Variants in PRKN observed in about 807,000 individuals in gnomAD.
The protein encoded by PRKN is parkin RBR E3 ubiquitin protein ligase.
In PRKN, 56 loss-of-function variants were observed where a neutral mutation model predicts 59.5. That is an observed-to-expected ratio of 0.94 (90% CI 0.76 to 1.18). The LOEUF (loss-of-function observed/expected upper bound fraction) is 1.18. Among genes scored for constraint, PRKN ranks in the 50% most tolerant of loss-of-function variants. PRKN has a pLI of 0.00. For synonymous variants in PRKN, 250 were observed against 222.1 expected (o/e 1.13, Z -1.12); for missense variants, 657 against 596.4 (o/e 1.10, Z -1.06).
intron 3 of PRKN, among the ~76,000 whole-genome samples, chr6:162,217,473 C>T (rs940127994): frequency 2.0e-5 from 3 of 152,142 alleles, no homozygotes; most frequent in Non-Finnish European, 4.4e-5. Flanking sequence ...CCCCACCTCC[C>T]GGATTCAAGC....
chr6:161,997,920 C>G (rs910152864), intron 5 of PRKN, among the ~76,000 whole-genome samples: 1 of 152,050 alleles, frequency 6.6e-6, no homozygotes, highest in African/African-American at 2.4e-5. Flanking sequence ...GTTGGCTGGA[C>G]CTGTGTCCTA....
intron 1 of PRKN, among the ~76,000 whole-genome samples, chr6:162,476,730 GATA>G (rs905860941): frequency 5.9e-5 from 9 of 152,218 alleles, no homozygotes; most frequent in East Asian, 1.9e-4. Flanking sequence ...GAGTAACACT[GATA>G]ATAATAATTA....
chr6:161,650,133 T>C (rs925407467), intron 7 of PRKN, among the ~76,000 whole-genome samples: 1 of 152,156 alleles, frequency 6.6e-6, no homozygotes, highest in Non-Finnish European at 1.5e-5. Flanking sequence ...CCCAGTAATT[T>C]TGCAACAAAG....
chr6:161,672,560 G>A (rs1452631082), intron 7 of PRKN, among the ~76,000 whole-genome samples: 1 of 152,170 alleles, frequency 6.6e-6, no homozygotes, highest in Non-Finnish European at 1.5e-5. Flanking sequence ...TGGATCACCT[G>A]AGGTCAGGAG....
At chr6:162,368,174 GA>G (rs1785554052) in intron 2 of PRKN, among the ~76,000 whole-genome samples, 1 of 152,182 alleles carries the variant, frequency 6.6e-6, no homozygotes, top group Admixed American at 6.5e-5. Flanking sequence ...CGTGGCTGGG[GA>G]AGGGTTGGGA....
At chr6:162,092,466 T>C (rs1779538291) in intron 4 of PRKN, among the ~76,000 whole-genome samples, 1 of 152,250 alleles carries the variant, frequency 6.6e-6, no homozygotes, top group African/African-American at 2.4e-5. Flanking sequence ...AATTTTGTTT[T>C]AAATCATTCA....
intron 2 of PRKN, among the ~76,000 whole-genome samples, chr6:162,280,873 G>C (rs1326030961): frequency 6.7e-6 from 1 of 149,008 alleles, no homozygotes; most frequent in Non-Finnish European, 1.5e-5. Context: ...AGGAGACAGA[G>C]ACATGAAAAA....
intron 4 of PRKN, among the ~76,000 whole-genome samples, chr6:162,164,212 C>T (rs1782881889): frequency 6.7e-6 from 1 of 148,852 alleles, no homozygotes; most frequent in South Asian, 2.1e-4. Flanking sequence ...TTTGAGTGGT[C>T]AACCTGTGTA....
In PRKN at chr6:161,581,108, A is replaced by G. The variant is rs2128137986; in HGVS notation, c.872-11692T>C. Among the ~76,000 whole-genome samples the G allele has an allele frequency of 6.6e-6, 1 of 151,098 alleles. No individual in the cohort carries two copies. Among genetic ancestry groups the G allele is most frequent in the Non-Finnish European group, 1.5e-5 (1 of 67,872 alleles). ...CCAGGCGTGGTGGCATGCCCTTGTA[A>G]TCCCAGCTACTGGGGAGGTTTGAAC... On this transcript the variant is annotated intron_variant, in intron 7 of 11. Transcript: ENST00000366898. The surrounding 1 kb of genome is among the most constrained non-coding windows in gnomAD (Gnocchi z 4.5).
chr6:161,911,851 A>C (rs1289141215), intron 6 of PRKN, among the ~76,000 whole-genome samples: 2 of 152,130 alleles, frequency 1.3e-5, no homozygotes, highest in Non-Finnish European at 1.5e-5. Context: ...ATAAAAATTC[A>C]AGTGCGAAAA....
intron 2 of PRKN, among the ~76,000 whole-genome samples, chr6:162,354,041 C>G (rs1220159208): frequency 6.6e-6 from 1 of 152,122 alleles, no homozygotes; most frequent in Non-Finnish European, 1.5e-5. Context: ...TATAACCAAA[C>G]TAGTTTCCTT....
At chr6:162,049,085 G>A (rs528175854) in intron 5 of PRKN, among the ~76,000 whole-genome samples, 1 of 152,228 alleles carries the variant, frequency 6.6e-6, no homozygotes, top group African/African-American at 2.4e-5. Context: ...GTCTAAAGGA[G>A]AGTTAGGGTC....
chr6:161,920,019 C>G (rs1041664896), intron 6 of PRKN, among the ~76,000 whole-genome samples: 10 of 152,216 alleles, frequency 6.6e-5, no homozygotes, highest in Non-Finnish European at 1.3e-4. Flanking sequence ...CAAACCTAGA[C>G]TGGATGGTAG....
chr6:162,720,985 C>T (rs1176598820), intron 1 of PRKN, among the ~76,000 whole-genome samples: 1 of 152,164 alleles, frequency 6.6e-6, no homozygotes, highest in Non-Finnish European at 1.5e-5. Context: ...AATAAAACAC[C>T]TGTCAATAAG....
intron 6 of PRKN, among the ~76,000 whole-genome samples, chr6:161,932,158 A>G (rs1779190469): frequency 1.3e-5 from 2 of 152,104 alleles, no homozygotes; most frequent in African/African-American, 4.8e-5. Context: ...CTCAGTTAAC[A>G]TAATTAAGAT....
chr6:161,370,512 A>T (rs546765914), intron 10 of PRKN, among the ~76,000 whole-genome samples: 1 of 149,600 alleles, frequency 6.7e-6, no homozygotes, highest in Non-Finnish European at 1.5e-5. Flanking sequence ...GAATGACGTG[A>T]ACCTGGGAGG....
rs987878483 is a variant in PRKN at position 161,584,704 on chromosome 6, G to A, written c.872-15288C>T. The stretch of plus-strand genomic sequence containing the variant: ...GATACAAAACTCCATTATACAACAG[G>A]GGGATCCTACATCCAGCTTCATTTA... On this transcript the variant is annotated intron_variant, in intron 7 of 11. Transcript: ENST00000366898. The surrounding 1 kb of genome is among the most constrained non-coding windows in gnomAD (Gnocchi z 4.8). Among the ~76,000 whole-genome samples the A allele has an allele frequency of 3.9e-5, 6 of 152,146 alleles. No homozygotes were observed. Among genetic ancestry groups the A allele is most frequent in the African/African-American group, 1.4e-4 (6 of 41,432 alleles).
At chr6:161,922,124 T>G (rs1390503949) in intron 6 of PRKN, among the ~76,000 whole-genome samples, 1 of 152,208 alleles carries the variant, frequency 6.6e-6, no homozygotes, top group Non-Finnish European at 1.5e-5. Flanking sequence ...TACCATTTTG[T>G]TGCCACTCAG....
intron 7 of PRKN, among the ~76,000 whole-genome samples, chr6:161,748,730 G>A (rs1431793931): frequency 1.3e-5 from 2 of 151,826 alleles, no homozygotes; most frequent in Admixed American, 6.5e-5. Context: ...GGGAAGACGC[G>A]GGGAGTGTAT....
Sources: gnomAD v4.1 joint callset for allele counts (sites outside exome capture counted in the v4.1 genomes callset) on GRCh38, gnomAD v4.1.1 for gene constraint, Gnocchi (gnomAD v3.1) non-coding constraint, MANE v1.5 for transcripts, NCBI Gene and HGNC (gene_info 2026-07-23, HGNC 2026-07-21) for gene names.